SHISA9: variants seen among roughly 807,000 people sequenced by gnomAD.
The protein encoded by SHISA9 is shisa family member 9, also known as protein shisa-9.
In SHISA9, 13 loss-of-function variants were observed where a neutral mutation model predicts 38.0. The ratio of observed to expected loss-of-function variants is 0.34; its 90% CI spans 0.22 to 0.54. The LOEUF is 0.54. Ranked by LOEUF, SHISA9 falls within the 20% of genes least tolerant of loss-of-function variation. The pLI, the probability that SHISA9 is intolerant of heterozygous loss-of-function variation, is 0.91. For missense variants in SHISA9, 538 were observed against 575.8 expected, an observed-to-expected ratio of 0.93 and a Z score of 0.67; for synonymous variants, 275 against 242.0, an observed-to-expected ratio of 1.14 and a Z score of -1.27.
intron 2 of SHISA9, among the ~76,000 whole-genome samples, chr16:13,058,782 T>TGA (rs2073339825): frequency 6.6e-6 from 1 of 151,510 alleles, no homozygotes; most frequent in African/African-American, 2.4e-5. Context: ...TGTGTGTGTG[T>TGA]GAATGTGTAT....
chr16:13,477,302 C>T, the SHISA9 span, among the ~76,000 whole-genome samples: 45 of 152,078 alleles, frequency 3.0e-4, no homozygotes, highest in Non-Finnish European at 5.6e-4. Context: ...GGGAAGGTAC[C>T]TTACACAGAC....
chr16:13,417,793 T>G, the SHISA9 span, among the ~76,000 whole-genome samples: 1 of 152,158 alleles, frequency 6.6e-6, no homozygotes, highest in Non-Finnish European at 1.5e-5. Flanking sequence ...GTGGAGACAA[T>G]GGGCAGGTTA....
At chr16:13,010,327 T>C (rs12921449) in intron 2 of SHISA9, among the ~76,000 whole-genome samples, 13,414 of 152,156 alleles carry the variant, frequency 0.088, 778 homozygotes, top group East Asian at 0.27. Context: ...TTCAAATTGG[T>C]TACTGAGTCC....
the SHISA9 span, among the ~76,000 whole-genome samples, chr16:13,399,296 C>A: frequency 2.9e-4 from 44 of 151,902 alleles, no homozygotes; most frequent in Non-Finnish European, 5.9e-4. Context: ...TTATGTAAGA[C>A]CTGGGTCCTT....
chr16:13,197,572 G>A (rs748473345), intron 2 of SHISA9: 13 of 152,066 alleles, frequency 8.5e-5, no homozygotes, highest in Admixed American at 3.9e-4. Context: ...CTTTGAAGAC[G>A]ATTGTTGGAT....
chr16:13,243,807 T>C (rs184195902), downstream of SHISA9, among the ~76,000 whole-genome samples: 2 of 137,668 alleles, frequency 1.5e-5, no homozygotes, highest in Non-Finnish European at 3.1e-5. Flanking sequence ...GGAGTCTTGC[T>C]CTGTCACCAG....
At chr16:13,546,243 AAAG>A in the SHISA9 span, among the ~76,000 whole-genome samples, 1 of 152,180 alleles carries the variant, frequency 6.6e-6, no homozygotes. Flanking sequence ...CTTACCCAGA[AAAG>A]AAGATTATTG....
At chr16:13,392,371 G>A in the SHISA9 span, among the ~76,000 whole-genome samples, 1 of 152,078 alleles carries the variant, frequency 6.6e-6, no homozygotes, top group Non-Finnish European at 1.5e-5. Flanking sequence ...TTATGTACAT[G>A]TATATTAAAA....
At chr16:13,474,811 G>A in the SHISA9 span, among the ~76,000 whole-genome samples, 1 of 152,160 alleles carries the variant, frequency 6.6e-6, no homozygotes, top group Non-Finnish European at 1.5e-5. Context: ...ATTTCAGGCA[G>A]GGGTTACAGT....
At chr16:13,254,148 A>T in the SHISA9 span, among the ~76,000 whole-genome samples, 26 of 152,316 alleles carry the variant, frequency 1.7e-4, no homozygotes, top group East Asian at 4.2e-3. Flanking sequence ...ATTTATTGAA[A>T]GTCTACTATG....
At chr16:13,320,075 G>A in the SHISA9 span, among the ~76,000 whole-genome samples, 1 of 151,636 alleles carries the variant, frequency 6.6e-6, no homozygotes, top group Non-Finnish European at 1.5e-5. Flanking sequence ...GGCAGATCAC[G>A]AGGTCAGGAG....
At chr16:13,047,888 T>C (rs1311080689) in intron 2 of SHISA9, among the ~76,000 whole-genome samples, 1 of 152,176 alleles carries the variant, frequency 6.6e-6, no homozygotes, top group East Asian at 1.9e-4. Flanking sequence ...CACTGCCCAC[T>C]AAGGTACAGG....
chr16:13,064,508 A>G (rs2073411524), intron 2 of SHISA9, among the ~76,000 whole-genome samples: 1 of 152,188 alleles, frequency 6.6e-6, no homozygotes, highest in Non-Finnish European at 1.5e-5. Flanking sequence ...TAAACACACC[A>G]TTCCTTCAGC....
chr16:13,042,586 G>C (rs1233339137), intron 2 of SHISA9, among the ~76,000 whole-genome samples: 1 of 152,174 alleles, frequency 6.6e-6, no homozygotes, highest in East Asian at 1.9e-4. Flanking sequence ...GTGATCTCAA[G>C]AGTGCCCCCT....
intron 2 of SHISA9, among the ~76,000 whole-genome samples, chr16:13,067,095 G>C (rs1012860125): frequency 2.6e-5 from 4 of 152,284 alleles, no homozygotes; most frequent in South Asian, 4.1e-4. Context: ...AGGGACACAG[G>C]TAGAAACACT....
chr16:13,374,236 A>G, the SHISA9 span, among the ~76,000 whole-genome samples: 1 of 150,936 alleles, frequency 6.6e-6, no homozygotes, highest in African/African-American at 2.4e-5. Context: ...TTACATATGT[A>G]TACATGTGCC....
At chr16:13,455,795 C>G in the SHISA9 span, among the ~76,000 whole-genome samples, 6 of 152,222 alleles carry the variant, frequency 3.9e-5, no homozygotes, top group Non-Finnish European at 1.5e-5. Context: ...CTCCCTCCCC[C>G]AGTACAATGC....
chr16:13,546,035 A>G, the SHISA9 span, among the ~76,000 whole-genome samples: 22,207 of 152,122 alleles, frequency 0.15, 1,912 homozygotes, highest in East Asian at 0.35. Flanking sequence ...TGAATTAACA[A>G]TGTAGGAAGG....
chr16:13,441,374 T>A, the SHISA9 span, among the ~76,000 whole-genome samples: 7 of 151,758 alleles, frequency 4.6e-5, no homozygotes, highest in Non-Finnish European at 7.4e-5. Context: ...AGAGCAAGAG[T>A]TTAACTTAAG....
Sources: allele counts gnomAD v4.1 joint callset (sites outside exome capture counted in the v4.1 genomes callset), GRCh38; gene constraint gnomAD v4.1.1; transcripts MANE v1.5; gene names NCBI Gene and HGNC (gene_info 2026-07-23, HGNC 2026-07-21).